Variants in EPB41L5 observed in about 807,000 individuals in gnomAD.
The protein encoded by EPB41L5 is erythrocyte membrane protein band 4.1 like 5, also known as band 4.1-like protein 5.
EPB41L5 carries 55 observed loss-of-function variants against 106.6 expected under a neutral mutation model. The observed-to-expected ratio is 0.52, with a 90% CI of 0.42 to 0.65. The LOEUF (loss-of-function observed/expected upper bound fraction) is 0.65, where lower values mean the gene tolerates loss of function less well. Among genes scored for constraint, EPB41L5 ranks in the 30% least tolerant of loss-of-function variants. The pLI is 0.00. For synonymous variants in EPB41L5, 297 were observed against 306.7 expected, an observed-to-expected ratio of 0.97 and a Z score of 0.33; for missense variants, 871 against 882.1, an observed-to-expected ratio of 0.99 and a Z score of 0.16.
chr2:120,172,829 C>G (rs1433640043), intron 24 of EPB41L5, among the ~76,000 whole-genome samples: 2 of 152,106 alleles, frequency 1.3e-5, no homozygotes, highest in Non-Finnish European at 2.9e-5. Context: ...TATAGAGTTG[C>G]AGAAAGGATT....
chr2:120,071,336 CAAACAAATGGAA>C (rs1210932930), intron 3 of EPB41L5, among the ~76,000 whole-genome samples: 1 of 152,110 alleles, frequency 6.6e-6, no homozygotes, highest in East Asian at 1.9e-4. Flanking sequence ...AGAGAGGACA[CAAACAAATGGAA>C]AAACATTTCA....
intron 2 of EPB41L5, among the ~76,000 whole-genome samples, chr2:120,024,162 G>A (rs747060645): frequency 6.6e-5 from 10 of 152,028 alleles, no homozygotes; most frequent in Admixed American, 6.6e-4. Context: ...ATCTGAATAC[G>A]CTTTATTTCT....
chr2:120,040,473 G>T (rs570132107), intron 2 of EPB41L5, among the ~76,000 whole-genome samples: 2 of 152,274 alleles, frequency 1.3e-5, no homozygotes, highest in African/African-American at 2.4e-5. Context: ...ACTGTCATTC[G>T]AGTGAGGGCA....
In EPB41L5 at chr2:120,167,512, G is replaced by A; in HGVS notation, c.2004+5G>A. 3 of 1,613,736 alleles carry A rather than the reference G, an allele frequency of 1.9e-6. No individual in the cohort carries two copies. The highest frequency in any genetic ancestry group is 2.5e-6 in the Non-Finnish European group (3 of 1,179,642). On this transcript the variant is annotated splice_donor_5th_base_variant and intron_variant, in intron 23 of 24. Coordinates refer to ENST00000263713, the MANE Select transcript of EPB41L5 (RefSeq NM_020909.4). ...ACACCCCGGTGGATTGTTCCGGTAA[G>A]TTCATGTTATTTGTGATTTTTCTTC...
At chr2:120,077,903 A>C (rs781198292) in intron 9 of EPB41L5, among the ~76,000 whole-genome samples, 2 of 152,140 alleles carry the variant, frequency 1.3e-5, no homozygotes, top group Admixed American at 6.5e-5. Context: ...GCCTCAGGAA[A>C]CTTATAATCA....
chr2:120,084,702 TA>T (rs1364907449), intron 10 of EPB41L5, among the ~76,000 whole-genome samples: 1 of 152,220 alleles, frequency 6.6e-6, no homozygotes, highest in Non-Finnish European at 1.5e-5. Context: ...TTCTCCTGGA[TA>T]ATATCCTGCA....
At chr2:120,163,140 A>G (rs951286827) in intron 21 of EPB41L5, among the ~76,000 whole-genome samples, 4 of 151,764 alleles carry the variant, frequency 2.6e-5, no homozygotes, top group African/African-American at 4.8e-5. Context: ...CTGTAGTCCT[A>G]TCTTCTTGGG....
Position 120,100,696 on chromosome 2 carries a change from A to G in EPB41L5, c.1222-3A>G, listed in dbSNP as rs1684088056. On this transcript the variant is annotated splice_region_variant and splice_polypyrimidine_tract_variant and intron_variant, in intron 15 of 24. Transcript: ENST00000263713. ...AGATAATTTTTATAATTTTTGTCCA[A>G]AGGCTTGGGGGATGAGATCTGCTCT... 6.2e-7 allele frequency: 1 copy of G among 1,611,334 alleles called. No homozygotes were observed. Among genetic ancestry groups the G allele is most frequent in the East Asian group, 2.2e-5 (1 of 44,832 alleles).
At chr2:120,025,663 C>T (rs1040580053) in intron 2 of EPB41L5, among the ~76,000 whole-genome samples, 1 of 151,982 alleles carries the variant, frequency 6.6e-6, no homozygotes, top group African/African-American at 2.4e-5. Flanking sequence ...GAACACCATC[C>T]CATGTTCATG....
chr2:120,108,612 G>A (rs1430027794), intron 16 of EPB41L5: 1 of 152,066 alleles, frequency 6.6e-6, no homozygotes, highest in Non-Finnish European at 1.5e-5. Flanking sequence ...CTAGTTAGAG[G>A]AGTATTCAGA....
At chr2:120,023,435 A>G (rs1266121423) in intron 2 of EPB41L5, among the ~76,000 whole-genome samples, 1 of 152,220 alleles carries the variant, frequency 6.6e-6, no homozygotes, top group Non-Finnish European at 1.5e-5. Flanking sequence ...TTTATTAAAT[A>G]GGGAATCGTT....
chr2:120,074,572 G>C (rs1345031599), intron 5 of EPB41L5, among the ~76,000 whole-genome samples: 1 of 152,124 alleles, frequency 6.6e-6, no homozygotes, highest in Non-Finnish European at 1.5e-5. Context: ...TCATTGAAAT[G>C]CCATTGATTA....
chr2:120,093,400 CAG>C, intron 14 of EPB41L5, 124 bp downstream of exon 14: 1 of 801,762 alleles, frequency 1.2e-6, no homozygotes, highest in Non-Finnish European at 2.2e-6. Flanking sequence ...AGGGATATGT[CAG>C]GGAATAAATG....
intron 16 of EPB41L5, chr2:120,105,614 T>C (rs752122691): frequency 2.0e-6 from 2 of 985,244 alleles, no homozygotes; most frequent in African/African-American, 3.5e-5. Flanking sequence ...AGTATAATTA[T>C]GTGTAAGAGG....
intron 20 of EPB41L5, 23 bp from the exon 21 acceptor site, chr2:120,160,858 T>G (rs1370825180): frequency 2.5e-6 from 4 of 1,573,498 alleles, no homozygotes; most frequent in African/African-American, 1.4e-5. Context: ...CTACATGATG[T>G]GAATTTATCT....
intron 16 of EPB41L5, among the ~76,000 whole-genome samples, chr2:120,103,510 T>G (rs938489024): frequency 1.3e-5 from 2 of 152,244 alleles, no homozygotes; most frequent in Non-Finnish European, 2.9e-5. Context: ...GGAACATTGA[T>G]GTAAAATTAC....
intron 16 of EPB41L5, among the ~76,000 whole-genome samples, chr2:120,114,321 T>C (rs1011010242): frequency 1.6e-4 from 24 of 152,212 alleles, no homozygotes; most frequent in African/African-American, 5.8e-4. Flanking sequence ...GTGAAACTGT[T>C]GTAATTTTGA....
In EPB41L5 at chr2:120,102,811, C is replaced by T. The variant is rs575963423; in HGVS notation, c.1337+1997C>T. Among the ~76,000 whole-genome samples, 21 of 152,286 alleles carry T rather than the reference C, an allele frequency of 1.4e-4. No homozygotes were observed. In the East Asian group the frequency reaches 3.9e-3, roughly 28 times the overall value. On this transcript the variant is annotated intron_variant, in intron 16 of 24. Transcript: ENST00000263713. ...TAGAATAATCAAGTATTTAAAATTTCACTTTTTGAGAAACAATTCATGTAT... is the reference window on the plus strand; with the variant it reads ...TAGAATAATCAAGTATTTAAAATTTTACTTTTTGAGAAACAATTCATGTAT...
rs760573800 is a variant in EPB41L5, at chr2:120,174,889, A to ACGT, written c.2185_2186insGTC (p.Leu728_Leu729insArg). The stretch of plus-strand genomic sequence containing the variant: ...AAGCTGTCCTGAAGCAGAAGTGTTT[A>ACGT]CTGACCACTGAGCTCTGAGGGCCTG... On this transcript the variant is annotated inframe_insertion, in exon 25 of 25. Coordinates refer to ENST00000263713, the MANE Select transcript of EPB41L5 (RefSeq NM_020909.4). 65 of 1,614,060 alleles carry ACGT rather than the reference A, an allele frequency of 4.0e-5. No individual in the cohort carries two copies. The highest frequency in any genetic ancestry group is 5.5e-5 in the Non-Finnish European group (65 of 1,180,010).
Sources: gnomAD v4.1 joint callset for allele counts (sites outside exome capture counted in the v4.1 genomes callset) on GRCh38, gnomAD v4.1.1 for gene constraint, MANE v1.5 for transcripts, NCBI Gene and HGNC (gene_info 2026-07-23, HGNC 2026-07-21) for gene names.